DNM1L: variants seen among roughly 807,000 people sequenced by gnomAD.
The protein encoded by DNM1L is dynamin 1L.
In DNM1L, 33 loss-of-function variants were observed where a neutral mutation model predicts 92.8. The observed-to-expected ratio is 0.36, with a 90% confidence interval of 0.27 to 0.48. The LOEUF (loss-of-function observed/expected upper bound fraction) is 0.48, where lower values mean the gene tolerates loss of function less well. DNM1L is among the 20% of genes least tolerant of loss of function. DNM1L has a pLI of 0.99. For synonymous variants in DNM1L, 284 were observed against 305.0 expected, an observed-to-expected ratio of 0.93 and a Z score of 0.72; for missense variants, 485 against 888.8, an observed-to-expected ratio of 0.55 and a Z score of 5.78.
chr12:32,705,714 T>C (rs1394833569), intron 2 of DNM1L: 1 of 956,734 alleles, frequency 1.0e-6, no homozygotes, highest in African/African-American at 1.7e-5. Flanking sequence ...AATTGAATGC[T>C]ATGTGCATTT....
At chr12:32,726,860 A>G (rs1305890724) in intron 9 of DNM1L, 10 of 642,380 alleles carry the variant, frequency 1.6e-5, no homozygotes, top group East Asian at 2.6e-5. Flanking sequence ...ACCTCATCCT[A>G]TATGTCTTTG....
Position 32,737,850 on chromosome 12 carries a change from A to AT in DNM1L, c.1597-9dup, listed in dbSNP as rs760411426. On this transcript the variant is annotated splice_polypyrimidine_tract_variant and intron_variant, in intron 14 of 19. Coordinates refer to ENST00000549701, the MANE Select transcript of DNM1L (RefSeq NM_012062.5). ...ATCCTTGATTTTTTTTCCCCCCTGG[A>AT]TTTTTTGCCTTTAGTCTTCTAAAGT... is the stretch of plus-strand genomic sequence containing the variant. The AT allele has an allele frequency of 3.7e-6, 6 of 1,612,716 alleles. No homozygotes were observed. The highest frequency in any genetic ancestry group is 2.2e-5 in the East Asian group (1 of 44,832).
chr12:32,715,451 G>A (rs1953318251), intron 6 of DNM1L, among the ~76,000 whole-genome samples: 1 of 151,968 alleles, frequency 6.6e-6, no homozygotes, highest in Non-Finnish European at 1.5e-5. Context: ...AATGCTTGTA[G>A]GCTGGGCATG....
Position 32,681,997 on chromosome 12 carries a change from C to CA in DNM1L, c.102+2541dup, listed in dbSNP as rs966492213. The stretch of plus-strand genomic sequence containing the variant: ...CGACAGAGTGAGACCCTGATTCTTC[C>CA]AAAAAAAAATTAAAAAACAACTTCA... On this transcript the variant is annotated intron_variant, in intron 1 of 19. Transcript: ENST00000549701. 2.3e-3 allele frequency among the ~76,000 whole-genome samples: 343 copies of CA among 150,562 alleles called. 3 individuals carry two copies. Among genetic ancestry groups the CA allele is most frequent in the Non-Finnish European group, 3.2e-3 (216 of 67,594 alleles).
In DNM1L at chr12:32,701,552, A is replaced by T. The variant is rs1468794965; in HGVS notation, c.240A>T (p.Gly80=). 1.2e-6 allele frequency: 2 copies of T among 1,613,712 alleles called. No homozygotes were observed. The highest frequency in any genetic ancestry group is 2.2e-5 in the East Asian group (1 of 44,848). Residue 80 remains glycine (G), a synonymous_variant, in exon 2 of 20, where the codon GGA becomes GGT. Transcript: ENST00000549701. ...VSQEDKRKTT[G]EENGVEAEEW... is the part of the protein sequence containing the mutation. ...AAGAAGATAAACGGAAAACAACAGG[A>T]GAAGAAAATGGTAAATTTCAGATTT...
intron 1 of DNM1L, among the ~76,000 whole-genome samples, chr12:32,698,275 G>C (rs565700288): frequency 2.6e-5 from 4 of 152,276 alleles, no homozygotes; most frequent in Non-Finnish European, 5.9e-5. Flanking sequence ...TTCTGATTTG[G>C]ATGTGGAAAT....
chr12:32,695,830 CA>C (rs1354345903), intron 1 of DNM1L, among the ~76,000 whole-genome samples: 1 of 151,630 alleles, frequency 6.6e-6, no homozygotes, highest in Non-Finnish European at 1.5e-5. Flanking sequence ...GAAATGAAGA[CA>C]AATTAGAAGG....
chr12:32,733,374 T>G, intron 12 of DNM1L: 1 of 247,946 alleles, frequency 4.0e-6, no homozygotes, highest in South Asian at 5.5e-5. Flanking sequence ...GTGGATGATC[T>G]GAAGTTTTAA....
chr12:32,696,296 G>A (rs1468025228), intron 1 of DNM1L, among the ~76,000 whole-genome samples: 1 of 151,966 alleles, frequency 6.6e-6, no homozygotes, highest in African/African-American at 2.4e-5. Context: ...AACACTTTTG[G>A]GAGGCCAAGG....
chr12:32,737,564 A>G (rs1292110037), intron 14 of DNM1L: 1 of 422,944 alleles, frequency 2.4e-6, no homozygotes, highest in Non-Finnish European at 4.3e-6. Context: ...TGTAATACTA[A>G]AGTGTGTATA....
intron 4 of DNM1L, among the ~76,000 whole-genome samples, chr12:32,709,134 G>A (rs568835679): frequency 6.6e-6 from 1 of 152,200 alleles, no homozygotes; most frequent in Admixed American, 6.5e-5. Context: ...GACTGACTGA[G>A]CTTTGTTCAT....
At chr12:32,732,952 CG>C (rs1954648260) in intron 12 of DNM1L, among the ~76,000 whole-genome samples, 1 of 151,998 alleles carries the variant, frequency 6.6e-6, no homozygotes, top group Non-Finnish European at 1.5e-5. Flanking sequence ...CAAAATTAGC[CG>C]GGCGTGGTGG....
intron 18 of DNM1L, among the ~76,000 whole-genome samples, chr12:32,742,012 A>G (rs1390233039): frequency 6.6e-6 from 1 of 152,036 alleles, no homozygotes; most frequent in Non-Finnish European, 1.5e-5. Flanking sequence ...TGATGTTTGG[A>G]TTTTTCTCAC....
At chr12:32,726,532 A>G (rs762506808) in intron 9 of DNM1L, 7 of 1,093,406 alleles carry the variant, frequency 6.4e-6, no homozygotes, top group Admixed American at 3.5e-5. Context: ...CCAGTAAACT[A>G]TAACACTGAT....
chr12:32,722,348 C>G lies in DNM1L; in HGVS notation c.873-79C>G, dbSNP rs962138015. On this transcript the variant is annotated intron_variant, in intron 8 of 19. Coordinates refer to ENST00000549701, the MANE Select transcript of DNM1L (RefSeq NM_012062.5). ...GACAAATTATTTGATAGGTTTTCCC[C>G]ATTGTAAAAATTTGACTTGTTTAGG... is the stretch of plus-strand genomic sequence containing the variant. The G allele has an allele frequency of 4.4e-6, 5 of 1,143,668 alleles. No individual in the cohort carries two copies. In the African/African-American group the frequency reaches 7.7e-5, roughly 18 times the overall value. The allele number at this position is 1,143,668 out of a possible 1,614,324, so 70.8% of individuals were successfully genotyped here. A position where few individuals can be genotyped will look rare whatever the true frequency, so the allele number is the denominator to read the frequency against.
intron 4 of DNM1L, 109 bp from the exon 5 acceptor site, chr12:32,710,820 A>G: frequency 1.0e-6 from 1 of 978,956 alleles, no homozygotes; most frequent in Non-Finnish European, 1.5e-6. Flanking sequence ...AAGTTTTAGG[A>G]ATCATGATTT....
chr12:32,695,984 T>C (rs918841848), intron 1 of DNM1L, among the ~76,000 whole-genome samples: 2 of 152,114 alleles, frequency 1.3e-5, no homozygotes, highest in Admixed American at 1.3e-4. Flanking sequence ...ATCCAACATA[T>C]GTATATTAGG....
chr12:32,697,224 C>T (rs1320374249), intron 1 of DNM1L, among the ~76,000 whole-genome samples: 1 of 151,658 alleles, frequency 6.6e-6, no homozygotes, highest in East Asian at 2.0e-4. Flanking sequence ...GCGAGACTCT[C>T]TAAAAAAATA....
At chr12:32,690,058 A>T (rs1055144768) in intron 1 of DNM1L, among the ~76,000 whole-genome samples, 2 of 152,188 alleles carry the variant, frequency 1.3e-5, no homozygotes. Flanking sequence ...GATTTTTGCC[A>T]CTTTAGAACT....
Sources: gnomAD v4.1 joint callset for allele counts (sites outside exome capture counted in the v4.1 genomes callset) on GRCh38, gnomAD v4.1.1 for gene constraint, MANE v1.5 for transcripts, NCBI Gene and HGNC (gene_info 2026-07-23, HGNC 2026-07-21) for gene names.